PTPRN2: variants seen among roughly 807,000 people sequenced by gnomAD.
The protein encoded by PTPRN2 is receptor-type tyrosine-protein phosphatase N2.
PTPRN2 carries 74 observed loss-of-function variants against 118.8 expected under a neutral mutation model. That is an observed-to-expected ratio of 0.62 (90% CI 0.52 to 0.76). PTPRN2 has a LOEUF of 0.76. Among genes scored for constraint, PTPRN2 ranks in the 30% least tolerant of loss-of-function variants. The probability of loss-of-function intolerance (pLI) is 0.00; values close to 1 mark genes in which losing one functional copy is unlikely to be tolerated. For synonymous variants in PTPRN2, 641 were observed against 608.0 expected, an observed-to-expected ratio of 1.05 and a Z score of -0.80; for missense variants, 1,481 against 1,394.4, an observed-to-expected ratio of 1.06 and a Z score of -0.99.
intron 2 of PTPRN2, among the ~76,000 whole-genome samples, chr7:158,440,800 G>A (rs1816959252): frequency 8.4e-6 from 1 of 118,748 alleles, no homozygotes. Flanking sequence ...GGGGGTGGTA[G>A]TGGTGATGGT....
intron 11 of PTPRN2, among the ~76,000 whole-genome samples, chr7:158,013,755 CCAT>C (rs1806226514): frequency 1.5e-4 from 3 of 19,916 alleles, no homozygotes; most frequent in Admixed American, 6.2e-4. Context: ...GCCCATCCAT[CCAT>C]CCACTCATCC....
chr7:158,055,090 A>G (rs1359023259), intron 11 of PTPRN2, among the ~76,000 whole-genome samples: 1 of 152,252 alleles, frequency 6.6e-6, no homozygotes, highest in Admixed American at 6.5e-5. Context: ...CTAGATCTAG[A>G]TCATAGATAT....
Position 157,774,116 on chromosome 7 carries a change from C to T in PTPRN2, c.1789-91179G>A, listed in dbSNP as rs57731892. Among the ~76,000 whole-genome samples the T allele has an allele frequency of 5.3e-5, 8 of 152,172 alleles. No homozygotes were observed. The East Asian group carries it at 5.8e-4, about 11-fold the overall frequency. ...GGACCTACTTACTAGGAGCTGGCTA[C>T]GGATGGGGCTGTGAGCTCCCTAGCT... On this transcript the variant is annotated intron_variant, in intron 12 of 22. Coordinates refer to ENST00000389418, the MANE Select transcript of PTPRN2 (RefSeq NM_002847.5).
At chr7:157,682,686 T>C in intron 13 of PTPRN2, 39 bp downstream of exon 13, 1 of 1,562,252 alleles carries the variant, frequency 6.4e-7, no homozygotes, top group Non-Finnish European at 8.8e-7. Flanking sequence ...GTTCAACAGA[T>C]AAATCCGATA....
At chr7:157,960,817 G>T (rs2128809063) in intron 11 of PTPRN2, among the ~76,000 whole-genome samples, 1 of 152,046 alleles carries the variant, frequency 6.6e-6, no homozygotes, top group Non-Finnish European at 1.5e-5. Context: ...GACCAGCCTG[G>T]CCAACACAGC....
At chr7:157,579,659 G>T (rs1012664500) in intron 17 of PTPRN2, among the ~76,000 whole-genome samples, 2 of 152,224 alleles carry the variant, frequency 1.3e-5, no homozygotes, top group Non-Finnish European at 2.9e-5. Flanking sequence ...TGGCTCTCGC[G>T]TCCGCCCTTC....
chr7:158,342,101 C>A (rs527607251), intron 2 of PTPRN2, among the ~76,000 whole-genome samples: 1 of 142,984 alleles, frequency 7.0e-6, no homozygotes, highest in Non-Finnish European at 1.5e-5. Flanking sequence ...CACCTGCAGA[C>A]GTCACTCACA....
chr7:157,558,259 C>G (rs1385870013), intron 21 of PTPRN2, among the ~76,000 whole-genome samples: 1 of 152,096 alleles, frequency 6.6e-6, no homozygotes, highest in African/African-American at 2.4e-5. Context: ...GACCGAGATG[C>G]AAACGCAGCG....
rs139962222 is a variant in PTPRN2 at position 158,183,329 on chromosome 7, G to A, written c.549+8998C>T. ...TGTGAGATATTGTCCCAATCATCAT[G>A]GAGACAGGAAGTGTGGCTTTCAGAC... On this transcript the variant is annotated intron_variant, in intron 5 of 22. Transcript: ENST00000389418. Among the ~76,000 whole-genome samples the A allele has an allele frequency of 5.2e-3, 792 of 152,278 alleles. 7 individuals are homozygous for A. Among genetic ancestry groups the A allele is most frequent in the African/African-American group, 0.018 (744 of 41,560 alleles).
intron 2 of PTPRN2, among the ~76,000 whole-genome samples, chr7:158,411,594 G>T (rs1163186669): frequency 1.3e-5 from 2 of 152,322 alleles, no homozygotes; most frequent in South Asian, 4.1e-4. Context: ...GCCAGTCAGA[G>T]GGCAGCATCA....
chr7:158,422,113 C>T (rs1303697606), intron 2 of PTPRN2, among the ~76,000 whole-genome samples: 1 of 152,192 alleles, frequency 6.6e-6, no homozygotes, highest in Non-Finnish European at 1.5e-5. Flanking sequence ...ATCACTAAAA[C>T]GCAATTTTGC....
chr7:158,566,687 G>A (rs1827690637), intron 1 of PTPRN2, among the ~76,000 whole-genome samples: 1 of 152,140 alleles, frequency 6.6e-6, no homozygotes, highest in South Asian at 2.1e-4. Context: ...GGTAATAAAA[G>A]ATTGTTAAAG....
At chr7:158,226,769 C>A (rs948075231) in intron 3 of PTPRN2, among the ~76,000 whole-genome samples, 1 of 150,710 alleles carries the variant, frequency 6.6e-6, no homozygotes, top group African/African-American at 2.4e-5. Context: ...TTACCCTAAT[C>A]GCGTGGGAGC....
chr7:157,916,481 A>G (rs531173597), intron 11 of PTPRN2, among the ~76,000 whole-genome samples: 1 of 152,348 alleles, frequency 6.6e-6, no homozygotes, highest in Admixed American at 6.5e-5. Context: ...CTCTCCTCTA[A>G]TTACCTGTAA....
chr7:157,681,949 T>C (rs2150807181), intron 13 of PTPRN2, among the ~76,000 whole-genome samples: 1 of 152,338 alleles, frequency 6.6e-6, no homozygotes, highest in South Asian at 2.1e-4. Flanking sequence ...CAGATGGGAA[T>C]ATCTTCTCGG....
intron 10 of PTPRN2, among the ~76,000 whole-genome samples, chr7:158,091,111 G>A (rs945967957): frequency 4.6e-5 from 7 of 152,136 alleles, no homozygotes; most frequent in Non-Finnish European, 7.4e-5. Flanking sequence ...GTATAGTAAC[G>A]ACTATACAGT....
rs949644862 is a variant in PTPRN2 at position 157,583,123 on chromosome 7, G to T, written c.2497-4983C>A. ...AAAGAAAATGTGGTATATACACAAT[G>T]AAATATTATTCAGCCTTAAGAAAGA... On this transcript the variant is annotated intron_variant, in intron 17 of 22. Coordinates refer to ENST00000389418, the MANE Select transcript of PTPRN2 (RefSeq NM_002847.5). The surrounding 1 kb of genome is among the most constrained non-coding windows in gnomAD (Gnocchi z 5.5). Among the ~76,000 whole-genome samples, 15 of 152,106 alleles carry T rather than the reference G, an allele frequency of 9.9e-5. No individual in the cohort carries two copies. Among genetic ancestry groups the T allele is most frequent in the African/African-American group, 3.4e-4 (14 of 41,408 alleles).
chr7:158,371,835 G>C (rs181045778), intron 2 of PTPRN2, among the ~76,000 whole-genome samples: 1 of 152,200 alleles, frequency 6.6e-6, no homozygotes, highest in Non-Finnish European at 1.5e-5. Context: ...TTATAAAACA[G>C]ATAACGTGAC....
Position 157,549,019 on chromosome 7 carries a change from C to T in PTPRN2, c.2903G>A (p.Gly968Asp), listed in dbSNP as rs139873095. The T allele has an allele frequency of 6.2e-6, 10 of 1,614,066 alleles. No homozygotes were observed. The Admixed American group carries it at 1.7e-4, about 27-fold the overall frequency. The change falls in exon 22 of 23, where the codon GGT (glycine) becomes GAT (aspartate). Residue 968 changes from glycine to aspartate, a missense_variant and splice_region_variant. Around this residue, in one of 3 missense-constraint regions of PTPRN2, gnomAD observed 362 missense variants for 384.1 expected, o/e 0.94. Transcript: ENST00000389418. ...IDMVLNKMAKGAKEIDIAATL... is the reference protein window; with the variant it reads ...IDMVLNKMAKDAKEIDIAATL... ...CGCTGCGATATCAATCTCTTTAGCA[C>T]CTGCAACAAACCACAAATTGGGCTG...
Sources: allele counts gnomAD v4.1 joint callset (sites outside exome capture counted in the v4.1 genomes callset), GRCh38; gene constraint gnomAD v4.1.1; regional missense constraint gnomAD v4.1.1; non-coding constraint Gnocchi (gnomAD v3.1); transcripts MANE v1.5; gene names NCBI Gene and HGNC (gene_info 2026-07-23, HGNC 2026-07-21).